The following RANBP2 variants were observed in gnomAD, a reference collection of about 807,000 sequenced individuals.
RANBP2 encodes the protein E3 SUMO-protein ligase RanBP2.
RANBP2 carries 57 observed loss-of-function variants against 303.6 expected under a neutral mutation model. The observed-to-expected ratio is 0.19, with a 90% CI of 0.15 to 0.23. The LOEUF (loss-of-function observed/expected upper bound fraction) is 0.23. Among genes scored for constraint, RANBP2 ranks in the 10% least tolerant of loss-of-function variants. The probability of loss-of-function intolerance (pLI) is 1.00; values close to 1 mark genes in which losing one functional copy is unlikely to be tolerated. For synonymous variants in RANBP2, 1,167 were observed against 1,301.5 expected (o/e 0.90, Z 2.23); for missense variants, 3,138 against 3,780.8 (o/e 0.83, Z 4.46).
At chr2:109,189,780 A>G in the RANBP2 span, among the ~76,000 whole-genome samples, 1 of 152,212 alleles carries the variant, frequency 6.6e-6, no homozygotes, top group Admixed American at 6.5e-5. Flanking sequence ...GATCTTTTAC[A>G]AGTTCCCCAA....
At chr2:109,565,845 A>C in the RANBP2 span, 32 of 1,613,990 alleles carry the variant, frequency 2.0e-5, no homozygotes, top group Admixed American at 6.7e-5. Flanking sequence ...CCACAACAGC[A>C]AACGGCAACT....
the RANBP2 span, chr2:109,490,673 G>T: frequency 5.3e-6 from 8 of 1,519,088 alleles, no homozygotes; most frequent in South Asian, 8.5e-5. Context: ...CACGCTCCCC[G>T]CCATCTGTGT....
chr2:108,726,947 G>A (rs140585189), intron 1 of RANBP2, among the ~76,000 whole-genome samples: 9,015 of 152,146 alleles, frequency 0.059, 317 homozygotes, highest in South Asian at 0.15. Context: ...CACAGGGTTG[G>A]GGGTAAGGTC....
At position 108,752,628 on chromosome 2, in the gene RANBP2, AAAAAAAAAG is replaced by A. The variant is rs1210537865; in HGVS notation, c.1756-363_1756-355del. ...CTCTACTAAAAATACAAAAAAAAAA[AAAAAAAAAG>A]AAAAAATTAGCCGGGCGTGGTGGCA... On this transcript the variant is annotated intron_variant, in intron 12 of 28. Transcript: ENST00000283195. 4.2e-5 allele frequency among the ~76,000 whole-genome samples: 6 copies of A among 143,382 alleles called. No homozygotes were observed. The South Asian group carries it at 6.5e-4, about 16-fold the overall frequency. 94.1% of individuals were successfully genotyped at this position (143,382 alleles called of 152,430 possible). A position where few individuals can be genotyped will look rare whatever the true frequency, so the allele number is the denominator to read the frequency against.
At chr2:108,786,894 C>A, downstream of RANBP2, 8 of 1,552,438 alleles carry the variant, frequency 5.2e-6, no homozygotes, top group Non-Finnish European at 6.9e-6. Flanking sequence ...GCTACGGACT[C>A]GGGGGCAGCT....
At chr2:109,670,252 A>G in the RANBP2 span, among the ~76,000 whole-genome samples, 1 of 146,060 alleles carries the variant, frequency 6.8e-6, no homozygotes, top group Non-Finnish European at 1.5e-5. Flanking sequence ...CTCTAGGCCT[A>G]TGCCCCATGG....
chr2:109,582,216 G>A, the RANBP2 span, among the ~76,000 whole-genome samples: 6 of 152,006 alleles, frequency 3.9e-5, no homozygotes, highest in South Asian at 6.2e-4. Context: ...AGATGACACC[G>A]ACAAACTGAA....
the RANBP2 span, among the ~76,000 whole-genome samples, chr2:108,861,827 G>A: frequency 7.2e-5 from 11 of 152,194 alleles, no homozygotes; most frequent in African/African-American, 2.2e-4. Context: ...GTGAGCCACC[G>A]CGCCCAGCCT....
chr2:109,509,990 G>A, the RANBP2 span, among the ~76,000 whole-genome samples: 1 of 152,242 alleles, frequency 6.6e-6, no homozygotes, highest in African/African-American at 2.4e-5. Flanking sequence ...TTGGAGAGGT[G>A]AGGGGCATGG....
At chr2:109,103,855 G>A in the RANBP2 span, among the ~76,000 whole-genome samples, 7 of 151,024 alleles carry the variant, frequency 4.6e-5, no homozygotes, top group Non-Finnish European at 5.9e-5. Flanking sequence ...GTGCAGTGGC[G>A]CAATCTCAGC....
chr2:109,288,809 C>G, the RANBP2 span, among the ~76,000 whole-genome samples: 2 of 152,192 alleles, frequency 1.3e-5, no homozygotes, highest in South Asian at 4.1e-4. Flanking sequence ...GGACTCAAAT[C>G]ACTTTCTTAT....
chr2:109,199,602 T>TCAACGC, the RANBP2 span, among the ~76,000 whole-genome samples: 1 of 340 alleles, frequency 2.9e-3, no homozygotes, highest in Non-Finnish European at 7.0e-3. Context: ...TGGAATGGAA[T>TCAACGC]GGAATGGAAT....
the RANBP2 span, among the ~76,000 whole-genome samples, chr2:109,124,148 T>C: frequency 1.3e-5 from 2 of 151,948 alleles, no homozygotes; most frequent in African/African-American, 4.8e-5. Flanking sequence ...GTAGCTGGGA[T>C]TAAAGGCACA....
At chr2:109,115,865 T>C in the RANBP2 span, among the ~76,000 whole-genome samples, 1 of 152,164 alleles carries the variant, frequency 6.6e-6, no homozygotes, top group South Asian at 2.1e-4. Flanking sequence ...GTCTGTAAAG[T>C]ATTTTATTTA....
intron 18 of RANBP2, 151 bp from the exon 19 acceptor site, chr2:108,761,949 TG>T (rs1676760122): frequency 1.7e-6 from 1 of 578,684 alleles, no homozygotes; most frequent in East Asian, 2.8e-5. Flanking sequence ...TAATCTTGAT[TG>T]GTGTATTTTG....
chr2:109,199,622 T>TC, the RANBP2 span, among the ~76,000 whole-genome samples: 6 of 132 alleles, frequency 0.045, 2 homozygotes, highest in South Asian at 0.5. Flanking sequence ...TGGAATGGAA[T>TC]GGAATGGAAT....
the RANBP2 span, among the ~76,000 whole-genome samples, chr2:109,441,146 A>AAAT: frequency 6.6e-6 from 1 of 151,632 alleles, no homozygotes; most frequent in Non-Finnish European, 1.5e-5. Context: ...AAAAAAAAAA[A>AAAT]TTCCAGCTCT....
the RANBP2 span, among the ~76,000 whole-genome samples, chr2:109,387,808 G>T: frequency 6.6e-6 from 1 of 152,184 alleles, no homozygotes; most frequent in African/African-American, 2.4e-5. Context: ...CTGGCCTGCA[G>T]TAGGTGCCCA....
chr2:108,909,234 A>C, the RANBP2 span, among the ~76,000 whole-genome samples: 1 of 152,214 alleles, frequency 6.6e-6, no homozygotes. Flanking sequence ...GAATAAGAAA[A>C]GCCTGAATAT....
Sources: allele counts gnomAD v4.1 joint callset (sites outside exome capture counted in the v4.1 genomes callset), GRCh38; gene constraint gnomAD v4.1.1; transcripts MANE v1.5; gene names NCBI Gene and HGNC (gene_info 2026-07-23, HGNC 2026-07-21).